Variants in ARID1B observed in about 807,000 individuals in gnomAD.
ARID1B encodes AT-rich interactive domain-containing protein 1B.
In ARID1B, 30 loss-of-function variants were observed where a neutral mutation model predicts 212.3. The ratio of observed to expected loss-of-function variants is 0.14; its 90% CI spans 0.11 to 0.19. ARID1B has a LOEUF of 0.19. ARID1B is among the 10% of genes least tolerant of loss of function. The pLI is 1.00. For missense variants in ARID1B, 2,891 were observed against 3,204.0 expected, an observed-to-expected ratio of 0.90 and a Z score of 2.36; for synonymous variants, 1,402 against 1,301.7, an observed-to-expected ratio of 1.08 and a Z score of -1.66.
At chr6:156,950,745 A>G (rs895179923) in intron 4 of ARID1B, among the ~76,000 whole-genome samples, 4 of 152,198 alleles carry the variant, frequency 2.6e-5, no homozygotes, top group African/African-American at 7.2e-5. Context: ...GGAAATGACT[A>G]TGACTTTACC....
At chr6:157,070,867 G>A (rs757680940) in intron 4 of ARID1B, among the ~76,000 whole-genome samples, 1 of 152,154 alleles carries the variant, frequency 6.6e-6, no homozygotes, top group Admixed American at 6.5e-5. Context: ...AGGCAATCCT[G>A]CTGGGTTTAT....
intron 7 of ARID1B, among the ~76,000 whole-genome samples, chr6:157,145,879 T>TG (rs1789690204): frequency 6.6e-6 from 1 of 152,186 alleles, no homozygotes; most frequent in South Asian, 2.1e-4. Flanking sequence ...AGGCTTGATC[T>TG]GGGGATTAAG....
chr6:156,841,566 C>T (rs187142893), intron 2 of ARID1B, among the ~76,000 whole-genome samples: 35 of 152,292 alleles, frequency 2.3e-4, no homozygotes, highest in Admixed American at 2.2e-3. Flanking sequence ...ACAATAACAG[C>T]AATCTCTGTG....
At chr6:157,188,252 G>A (rs142955757) in intron 13 of ARID1B, among the ~76,000 whole-genome samples, 1 of 151,982 alleles carries the variant, frequency 6.6e-6, no homozygotes, top group African/African-American at 2.4e-5. Context: ...GTCAGTCTTT[G>A]TGGCATCTCT....
chr6:157,167,329 A>C, intron 9 of ARID1B, 144 bp downstream of exon 9: 1 of 939,924 alleles, frequency 1.1e-6, no homozygotes. Flanking sequence ...GCTTCTCAGA[A>C]ACTTGCTCCA....
chr6:157,165,782 A>G (rs763681732), intron 8 of ARID1B, among the ~76,000 whole-genome samples: 4 of 152,234 alleles, frequency 2.6e-5, no homozygotes, highest in Non-Finnish European at 5.9e-5. Flanking sequence ...CTGGGAAAGC[A>G]GAGGTTGCAG....
chr6:156,959,569 TA>T (rs5881198), intron 4 of ARID1B, among the ~76,000 whole-genome samples: 61,700 of 151,848 alleles, frequency 0.41, 14,428 homozygotes, highest in African/African-American at 0.65. Flanking sequence ...GTTTTGTACT[TA>T]AAAATCTCTT....
At chr6:156,873,255 G>T (rs1230317387) in intron 2 of ARID1B, among the ~76,000 whole-genome samples, 1 of 152,156 alleles carries the variant, frequency 6.6e-6, no homozygotes, top group Non-Finnish European at 1.5e-5. Flanking sequence ...TCACAGGTTA[G>T]TTTATGTAAT....
Position 156,946,389 on chromosome 6 carries a change from T to A in ARID1B, c.2247+10813T>A, listed in dbSNP as rs185910781. ...TCCATCTCAAAAAATAAAAAATAAA[T>A]AATAAATAAATAAATAAATATGCCC... On this transcript the variant is annotated intron_variant, in intron 4 of 19. Coordinates refer to ENST00000636930, the MANE Select transcript of ARID1B (RefSeq NM_001374828.1). 5.5e-3 allele frequency among the ~76,000 whole-genome samples: 828 copies of A among 151,236 alleles called. 4 individuals are homozygous for A. Among genetic ancestry groups the A allele is most frequent in the African/African-American group, 0.013 (544 of 41,292 alleles).
chr6:156,851,503 G>C (rs1390063594), intron 2 of ARID1B, among the ~76,000 whole-genome samples: 1 of 152,094 alleles, frequency 6.6e-6, no homozygotes, highest in Non-Finnish European at 1.5e-5. Flanking sequence ...GTTATTACAG[G>C]GTTTGTCTTC....
intron 1 of ARID1B, among the ~76,000 whole-genome samples, chr6:156,793,137 T>G (rs536728047): frequency 2.6e-5 from 4 of 151,534 alleles, no homozygotes; most frequent in African/African-American, 9.7e-5. Flanking sequence ...AATACCGGGG[T>G]GGGGGCATGA....
chr6:156,792,626 A>G (rs1303070730), intron 1 of ARID1B, among the ~76,000 whole-genome samples: 1 of 152,220 alleles, frequency 6.6e-6, no homozygotes, highest in Admixed American at 6.5e-5. Flanking sequence ...GGTTGTCGTT[A>G]TAAGAATAAT....
intron 4 of ARID1B, among the ~76,000 whole-genome samples, chr6:156,981,190 A>G (rs377493558): frequency 6.6e-6 from 1 of 152,208 alleles, no homozygotes; most frequent in Non-Finnish European, 1.5e-5. Flanking sequence ...AGATTGCTCC[A>G]GGTCCACATG....
At chr6:157,130,903 T>C (rs1195153744) in intron 6 of ARID1B, among the ~76,000 whole-genome samples, 1 of 152,238 alleles carries the variant, frequency 6.6e-6, no homozygotes, top group African/African-American at 2.4e-5. Flanking sequence ...TTCTGAGAGT[T>C]GTTTTTCAAA....
In ARID1B at chr6:156,777,776, G is replaced by A; in HGVS notation, c.96G>A (p.Arg32=). The A allele has an allele frequency of 1.2e-6, 1 of 857,726 alleles. No homozygotes were observed. Among genetic ancestry groups the A allele is most frequent in the Non-Finnish European group, 1.4e-6 (1 of 717,912 alleles). The allele number at this position is 857,726 out of a possible 1,614,324, so 53.1% of individuals were successfully genotyped here. ...SGERRAPPGP[R]PAPGARDLEA... ...AACGGCGGGCGCCCCCCGGGCCGCG[G>A]CCGGCGCCCGGAGCCCGGGACCTGG... Residue 32 remains arginine, a synonymous_variant, in exon 1 of 20, where the codon CGG becomes CGA. Coordinates refer to ENST00000636930, the MANE Select transcript of ARID1B (RefSeq NM_001374828.1).
At chr6:156,936,659 C>CAAAAAA (rs1156493021) in intron 4 of ARID1B, 1 of 96,426 alleles carries the variant, frequency 1.0e-5, no homozygotes, top group Non-Finnish European at 2.3e-5. Context: ...GACTCCATCT[C>CAAAAAA]AAAAAAAAAA....
chr6:156,961,197 G>A (rs986977300), intron 4 of ARID1B, among the ~76,000 whole-genome samples: 2 of 152,184 alleles, frequency 1.3e-5, no homozygotes, highest in Non-Finnish European at 2.9e-5. Flanking sequence ...CGTGCTCTGC[G>A]ACAGAGTGCG....
chr6:157,038,577 TTA>T (rs1210253147), intron 4 of ARID1B, among the ~76,000 whole-genome samples: 3 of 152,308 alleles, frequency 2.0e-5, no homozygotes, highest in East Asian at 3.9e-4. Flanking sequence ...AATAAATTTT[TTA>T]TGTTTCTGTA....
chr6:157,144,439 GA>G (rs1353226581), intron 7 of ARID1B, among the ~76,000 whole-genome samples: 12 of 152,198 alleles, frequency 7.9e-5, no homozygotes, highest in Non-Finnish European at 7.3e-5. Flanking sequence ...GGGGAGGGTG[GA>G]AACTAGCCCT....
Sources: gnomAD v4.1 joint callset for allele counts (sites outside exome capture counted in the v4.1 genomes callset) on GRCh38, gnomAD v4.1.1 for gene constraint, MANE v1.5 for transcripts, NCBI Gene and HGNC (gene_info 2026-07-23, HGNC 2026-07-21) for gene names.